The following ARID1B variants were observed in gnomAD, a reference collection of about 807,000 sequenced individuals.
ARID1B encodes the protein AT-rich interaction domain 1B, also known as AT-rich interactive domain-containing protein 1B.
Under a neutral mutation model 212.3 loss-of-function variants are expected in ARID1B, and 30 were observed. The observed-to-expected ratio is 0.14, with a 90% CI of 0.11 to 0.19. The LOEUF (loss-of-function observed/expected upper bound fraction) is 0.19, where lower values mean the gene tolerates loss of function less well. ARID1B is among the 10% of genes least tolerant of loss of function. ARID1B has a pLI of 1.00. For missense variants in ARID1B, 2,891 were observed against 3,204.0 expected, an observed-to-expected ratio of 0.90 and a Z score of 2.36; for synonymous variants, 1,402 against 1,301.7, an observed-to-expected ratio of 1.08 and a Z score of -1.66.
At chr6:157,157,658 A>G (rs1024063076) in intron 8 of ARID1B, among the ~76,000 whole-genome samples, 2 of 152,214 alleles carry the variant, frequency 1.3e-5, no homozygotes, top group South Asian at 4.1e-4. Context: ...ACTCACTAAG[A>G]TGCTAAGATT....
intron 7 of ARID1B, among the ~76,000 whole-genome samples, chr6:157,146,569 G>A (rs1789739406): frequency 6.6e-6 from 1 of 152,098 alleles, no homozygotes; most frequent in Non-Finnish European, 1.5e-5. Context: ...GCTTTGTTTT[G>A]CTTTTATCCT....
At chr6:157,104,894 T>C (rs1442464444) in intron 5 of ARID1B, among the ~76,000 whole-genome samples, 1 of 152,124 alleles carries the variant, frequency 6.6e-6, no homozygotes, top group Non-Finnish European at 1.5e-5. Flanking sequence ...TAGAAAAACA[T>C]GCAAGAAAAC....
At chr6:157,106,703 G>C (rs9480438) in intron 5 of ARID1B, among the ~76,000 whole-genome samples, 13,412 of 152,226 alleles carry the variant, frequency 0.088, 731 homozygotes, top group East Asian at 0.16. Flanking sequence ...TCTTTGGATA[G>C]AATTACAGGT....
chr6:157,050,219 A>G (rs1289600849), intron 4 of ARID1B, among the ~76,000 whole-genome samples: 1 of 152,102 alleles, frequency 6.6e-6, no homozygotes, highest in East Asian at 1.9e-4. Context: ...CAGTCCCCCA[A>G]CAAGGAAGAA....
chr6:156,778,859 CGGCGGCGGCGGCGGA>C lies in ARID1B; in HGVS notation c.1182_1196del (p.Gly398_Gly402del). ...GCCGGCCCGGCGCGGGCGGCGGCGG[CGGCGGCGGCGGCGGA>C]GGAGGAGGAGGCAGCGGAGGAGGAG... is the stretch of plus-strand genomic sequence containing the variant. On this transcript the variant is annotated inframe_deletion, in exon 1 of 20. Transcript: ENST00000636930. The C allele has an allele frequency of 2.1e-6, 3 of 1,399,010 alleles. No individual in the cohort carries two copies. Among genetic ancestry groups the C allele is most frequent in the South Asian group, 1.6e-5 (1 of 62,182 alleles). 86.7% of individuals were successfully genotyped at this position (1,399,010 alleles called of 1,614,324 possible).
intron 5 of ARID1B, among the ~76,000 whole-genome samples, chr6:157,101,043 T>G (rs1442485773): frequency 6.6e-6 from 1 of 152,222 alleles, no homozygotes; most frequent in African/African-American, 2.4e-5. Context: ...AGAGCCGATT[T>G]CCATGAGGCT....
In ARID1B at chr6:157,073,176, C is replaced by A. The variant is rs2128435894; in HGVS notation, c.2248-11486C>A. On this transcript the variant is annotated intron_variant, in intron 4 of 19. Transcript: ENST00000636930. Reference sequence around the variant, plus strand: ...GGAGTGCAGTGGTACAATCTCGGCTCACTGCAACCTCCGCCTCCTGGGTTC... The same window carrying A: ...GGAGTGCAGTGGTACAATCTCGGCTAACTGCAACCTCCGCCTCCTGGGTTC... Among the ~76,000 whole-genome samples, 3 of 149,244 alleles carry A rather than the reference C, an allele frequency of 2.0e-5. 1 individual carries two copies. The highest frequency in any genetic ancestry group is 7.4e-5 in the African/African-American group (3 of 40,304).
chr6:157,161,093 A>C (rs1790899518), intron 8 of ARID1B, among the ~76,000 whole-genome samples: 1 of 152,238 alleles, frequency 6.6e-6, no homozygotes, highest in South Asian at 2.1e-4. Flanking sequence ...TCAACAAAGC[A>C]GTAGGTATTT....
At chr6:156,854,233 CCCT>C (rs1216954720) in intron 2 of ARID1B, among the ~76,000 whole-genome samples, 1 of 152,114 alleles carries the variant, frequency 6.6e-6, no homozygotes, top group African/African-American at 2.4e-5. Context: ...TGTTCCTACC[CCCT>C]CCTCTTTCTG....
chr6:157,136,482 C>T (rs998688444), intron 7 of ARID1B, among the ~76,000 whole-genome samples: 30 of 152,172 alleles, frequency 2.0e-4, no homozygotes, highest in Non-Finnish European at 3.8e-4. Context: ...CCGGTTCATT[C>T]ATTCAGTAAG....
chr6:157,179,112 A>G (rs1240821871), intron 11 of ARID1B, among the ~76,000 whole-genome samples: 1 of 152,114 alleles, frequency 6.6e-6, no homozygotes, highest in Non-Finnish European at 1.5e-5. Flanking sequence ...CTTTTTCTTC[A>G]TGTTCTTATT....
At chr6:157,169,798 G>A (rs1409005287) in intron 9 of ARID1B, 3 of 152,182 alleles carry the variant, frequency 2.0e-5, no homozygotes, top group African/African-American at 7.2e-5. Context: ...TCTACAAAAT[G>A]TAGGGCATTT....
At chr6:157,057,718 G>A (rs555389573) in intron 4 of ARID1B, among the ~76,000 whole-genome samples, 7 of 152,208 alleles carry the variant, frequency 4.6e-5, no homozygotes, top group South Asian at 2.1e-4. Context: ...CCATAGAGCC[G>A]AAAATTTAAA....
At chr6:156,782,977 G>GTT (rs529473675) in intron 1 of ARID1B, among the ~76,000 whole-genome samples, 7 of 145,204 alleles carry the variant, frequency 4.8e-5, no homozygotes, top group Non-Finnish European at 3.0e-5. Context: ...TATTTTGGTA[G>GTT]TTTTTTTTTT....
rs76014917 is a variant in ARID1B, at chr6:156,929,895, G to A, written c.2137-5571G>A. ...TTCCTCCATCATCTGTTAGTTTATAGTCTGTATGCTCTTAAATTCTTTTTT... is the reference window on the plus strand; with the variant it reads ...TTCCTCCATCATCTGTTAGTTTATAATCTGTATGCTCTTAAATTCTTTTTT... On this transcript the variant is annotated intron_variant, in intron 3 of 19. Coordinates refer to ENST00000636930, the MANE Select transcript of ARID1B (RefSeq NM_001374828.1). Among the ~76,000 whole-genome samples the A allele has an allele frequency of 3.9e-3, 582 of 148,916 alleles. 4 individuals are homozygous for A. Among genetic ancestry groups the A allele is most frequent in the African/African-American group, 0.014 (531 of 38,900 alleles).
At chr6:156,905,435 ATTATAG>A (rs994985110) in intron 3 of ARID1B, among the ~76,000 whole-genome samples, 2 of 152,156 alleles carry the variant, frequency 1.3e-5, no homozygotes, top group African/African-American at 4.8e-5. Context: ...TGGTCTTTTG[ATTATAG>A]TTAGGACTTC....
chr6:156,825,486 G>C (rs1269288358), intron 1 of ARID1B, among the ~76,000 whole-genome samples: 1 of 152,218 alleles, frequency 6.6e-6, no homozygotes, highest in Non-Finnish European at 1.5e-5. Context: ...TGAATTTTAA[G>C]TAGGACTGTG....
At chr6:157,004,042 A>C (rs989557800) in intron 4 of ARID1B, among the ~76,000 whole-genome samples, 7 of 152,032 alleles carry the variant, frequency 4.6e-5, no homozygotes, top group African/African-American at 7.2e-5. Context: ...AAAACAAACA[A>C]ACACAAATAA....
intron 4 of ARID1B, chr6:157,036,539 A>G: frequency 3.4e-6 from 1 of 290,722 alleles, no homozygotes; most frequent in Non-Finnish European, 6.8e-6. Flanking sequence ...GGATGATTCT[A>G]CTCACTCCCT....
Sources: allele counts gnomAD v4.1 joint callset (sites outside exome capture counted in the v4.1 genomes callset), GRCh38; gene constraint gnomAD v4.1.1; transcripts MANE v1.5; gene names NCBI Gene and HGNC (gene_info 2026-07-23, HGNC 2026-07-21).